The following ATAD3B variants were observed in gnomAD, a reference collection of about 807,000 sequenced individuals.
ATAD3B encodes ATPase family AAA domain containing 3B.
In ATAD3B, 59 loss-of-function variants were observed where a neutral mutation model predicts 70.2. The ratio of observed to expected loss-of-function variants is 0.84; its 90% CI spans 0.68 to 1.04. The LOEUF (loss-of-function observed/expected upper bound fraction) is 1.04. Among genes scored for constraint, ATAD3B ranks in the 50% least tolerant of loss-of-function variants. The probability of loss-of-function intolerance (pLI) is 0.00; values close to 1 mark genes in which losing one functional copy is unlikely to be tolerated. For synonymous variants in ATAD3B, 423 were observed against 388.6 expected (o/e 1.09, Z -1.04); for missense variants, 961 against 913.4 (o/e 1.05, Z -0.67).
intron 15 of ATAD3B, among the ~76,000 whole-genome samples, chr1:1,494,732 G>A (rs1484019825): frequency 1.3e-5 from 2 of 151,970 alleles, no homozygotes; most frequent in Non-Finnish European, 2.9e-5. Flanking sequence ...CTGGGACGGG[G>A]CGAGGGACCC....
chr1:1,475,723 G>A (rs554274003), intron 1 of ATAD3B, among the ~76,000 whole-genome samples: 3 of 151,930 alleles, frequency 2.0e-5, no homozygotes, highest in East Asian at 1.9e-4. Context: ...GTGAATTCAC[G>A]CGCTGGGACG....
In ATAD3B at chr1:1,482,899, G is replaced by C. The variant is rs562847369; in HGVS notation, c.750+285G>C. On this transcript the variant is annotated intron_variant, in intron 7 of 15. Transcript: ENST00000673477. ...CGCCTGTGGTCCTGCTACTCGAGAG[G>C]CTGAGGTAGGAGGATCACTTAAGCC... The C allele has an allele frequency of 4.8e-5, 25 of 521,090 alleles. No individual in the cohort carries two copies. In the East Asian group the frequency reaches 1.1e-3, roughly 22 times the overall value. The allele number at this position is 521,090 out of a possible 1,614,324, so 32.3% of individuals were successfully genotyped here. A position where few individuals can be genotyped will look rare whatever the true frequency, so the allele number is the denominator to read the frequency against.
At chr1:1,504,718 G>T in the ATAD3B span, among the ~76,000 whole-genome samples, 2 of 152,104 alleles carry the variant, frequency 1.3e-5, no homozygotes, top group Non-Finnish European at 2.9e-5. Flanking sequence ...CCACTGGGGC[G>T]TGTGTGCCCA....
At chr1:1,487,731 A>T in intron 11 of ATAD3B, 132 bp from the exon 12 acceptor site, 1 of 1,140,854 alleles carries the variant, frequency 8.8e-7, no homozygotes, top group Non-Finnish European at 1.3e-6. Context: ...TCCAGGACTT[A>T]GGGCTCCTGA....
At chr1:1,489,030 T>C (rs1640385441) in intron 12 of ATAD3B, among the ~76,000 whole-genome samples, 174 bp from the exon 13 acceptor site, 1 of 151,898 alleles carries the variant, frequency 6.6e-6, no homozygotes, top group African/African-American at 2.4e-5. Context: ...CCCAAAATGC[T>C]GGGTTACATG....
chr1:1,489,433 A>G, intron 13 of ATAD3B, 159 bp downstream of exon 13: 1 of 1,322,260 alleles, frequency 7.6e-7, no homozygotes, highest in Non-Finnish European at 1.0e-6. Flanking sequence ...TCGGGACAGC[A>G]CGGGGTGTCA....
At chr1:1,507,863 G>T in the ATAD3B span, among the ~76,000 whole-genome samples, 1 of 152,236 alleles carries the variant, frequency 6.6e-6, no homozygotes, top group Non-Finnish European at 1.5e-5. Flanking sequence ...TGCAAGGGTA[G>T]CACAGAGAGC....
Position 1,486,646 on chromosome 1 carries a change from T to C in ATAD3B, c.1192T>C (p.Trp398Arg), listed in dbSNP as rs1463076712. Residue 398 changes from tryptophan (W) to arginine (R), a missense_variant, in exon 11 of 16, where the codon TGG becomes CGG. Transcript: ENST00000673477. The part of the protein sequence containing the change: ...GVTAMHKLFD[W>R]ANTSRRGLLL... ...GACCGCCATGCACAAGCTCTTTGAC[T>C]GGGCCAATACCAGCCGGCGCGGGTG... The C allele has an allele frequency of 4.4e-6, 7 of 1,609,038 alleles. No homozygotes were observed. The Admixed American group carries it at 1.0e-4, about 23-fold the overall frequency.
At chr1:1,476,480 C>G (rs1399247663) in intron 1 of ATAD3B, among the ~76,000 whole-genome samples, 2 of 151,390 alleles carry the variant, frequency 1.3e-5, no homozygotes, top group African/African-American at 4.9e-5. Flanking sequence ...ATCGGGGGTC[C>G]CTGCCTACTT....
chr1:1,490,339 G>A lies in ATAD3B; in HGVS notation c.1420G>A (p.Asp474Asn), dbSNP rs145908264. The change falls in exon 14 of 16, where the codon GAC (aspartate) becomes AAC (asparagine). Residue 474 changes from aspartate to asparagine, a missense_variant. This residue lies in a region of ATAD3B where 417 missense variants were observed against 335.0 expected (regional missense o/e 1.24). Coordinates refer to ENST00000673477, the MANE Select transcript of ATAD3B (RefSeq NM_031921.6). Reference protein sequence around the residue: ...NSRIDVMVHFDLPQQEERERL... With the variant: ...NSRIDVMVHFNLPQQEERERL... ...CCGCATTGACGTGATGGTCCACTTC[G>A]ACCTGCCGCAGCAGGAGGAGCGGGA... 7.4e-5 allele frequency: 120 copies of A among 1,613,306 alleles called. 3 individuals are homozygous for A. The highest frequency in any genetic ancestry group is 1.9e-4 in the African/African-American group (14 of 75,048).
At chr1:1,499,586 CTTTTTTTTTTT>C (rs71578322), downstream of ATAD3B, among the ~76,000 whole-genome samples, 4 of 65,772 alleles carry the variant, frequency 6.1e-5, no homozygotes, top group South Asian at 5.8e-4. Context: ...CCAAACAGCT[CTTTTTTTTTTT>C]TTTTTTTTTT....
chr1:1,489,304 C>A (rs200669266), intron 13 of ATAD3B, 30 bp downstream of exon 13: 2 of 1,612,850 alleles, frequency 1.2e-6, no homozygotes, highest in African/African-American at 1.3e-5. Context: ...CCTGAGCCCC[C>A]GGGCAGGGCT....
downstream of ATAD3B, among the ~76,000 whole-genome samples, chr1:1,502,260 G>C (rs1640961853): frequency 1.3e-5 from 2 of 151,380 alleles, no homozygotes; most frequent in South Asian, 4.2e-4. Context: ...TGTCGCCCAG[G>C]CTGGAGTGCA....
chr1:1,505,069 C>T, the ATAD3B span, among the ~76,000 whole-genome samples: 2 of 152,114 alleles, frequency 1.3e-5, no homozygotes, highest in Admixed American at 6.6e-5. Flanking sequence ...CAGCTGGGCC[C>T]GGGGAACCAC....
Position 1,489,634 on chromosome 1 carries a change from C to G in ATAD3B, c.1337+360C>G. On this transcript the variant is annotated intron_variant, in intron 13 of 15. Transcript: ENST00000673477. The stretch of plus-strand genomic sequence containing the variant: ...GGTGACCGGCCCTATGTCCAGGCTC[C>G]CTCTTCCCTCCCAAATCCCTTAATT... 4 of 1,339,310 alleles carry G rather than the reference C, an allele frequency of 3.0e-6. No homozygotes were observed. The South Asian group carries it at 5.0e-5, about 17-fold the overall frequency. The allele number at this position is 1,339,310 out of a possible 1,614,324, so 83.0% of individuals were successfully genotyped here.
chr1:1,485,799 C>T lies in ATAD3B; in HGVS notation c.924C>T (p.Leu308=). The stretch of plus-strand genomic sequence containing the variant: ...TCCGGCAGGTCAGCCGGCGGCTCCT[C>T]AGTCGACCCCAGGACGTGCTGGAGG... The part of the protein sequence containing the change: ...RHPIQVSRRL[L]SRPQDVLEGV... The change falls in exon 9 of 16, where the codon CTC becomes CTT. Residue 308 remains leucine (L), a synonymous_variant. Coordinates refer to ENST00000673477, the MANE Select transcript of ATAD3B (RefSeq NM_031921.6). 6.2e-7 allele frequency: 1 copy of T among 1,613,094 alleles called. No individual in the cohort carries two copies. The highest frequency in any genetic ancestry group is 8.5e-7 in the Non-Finnish European group (1 of 1,179,430).
At chr1:1,505,079 C>G in the ATAD3B span, among the ~76,000 whole-genome samples, 1 of 152,178 alleles carries the variant, frequency 6.6e-6, no homozygotes, top group Non-Finnish European at 1.5e-5. Flanking sequence ...CGGGGAACCA[C>G]TGCCACCTAG....
the ATAD3B span, among the ~76,000 whole-genome samples, chr1:1,506,592 G>C: frequency 6.6e-6 from 1 of 151,732 alleles, no homozygotes; most frequent in Non-Finnish European, 1.5e-5. Flanking sequence ...TCACCTTCTT[G>C]GTTAAGTGAA....
Position 1,497,691 on chromosome 1 carries a change from C to CCCGT in ATAD3B, c.*1876_*1879dup, listed in dbSNP as rs1287643259. ...ACCATCCTGGCTAACGTGGCAAAACCCCGTCTCTACTAAAAATACAAAAAA... is the reference window on the plus strand; with the variant it reads ...ACCATCCTGGCTAACGTGGCAAAACCCCGTCCGTCTCTACTAAAAATACAAAAAA... On this transcript the variant is annotated 3_prime_UTR_variant, in exon 16 of 16. Coordinates refer to ENST00000673477, the MANE Select transcript of ATAD3B (RefSeq NM_031921.6). 2 of 150,976 alleles carry CCCGT rather than the reference C, an allele frequency of 1.3e-5. No individual in the cohort carries two copies. The highest frequency in any genetic ancestry group is 2.9e-5 in the Non-Finnish European group (2 of 67,992). 9.4% of individuals were successfully genotyped at this position (150,976 alleles called of 1,614,324 possible). A position where few individuals can be genotyped will look rare whatever the true frequency, so the allele number is the denominator to read the frequency against.
Sources: gnomAD v4.1 joint callset for allele counts (sites outside exome capture counted in the v4.1 genomes callset) on GRCh38, gnomAD v4.1.1 for gene constraint, gnomAD v4.1.1 regional missense constraint, MANE v1.5 for transcripts, NCBI Gene and HGNC (gene_info 2026-07-23, HGNC 2026-07-21) for gene names.